The following SF3B2 variants were observed in gnomAD, a reference collection of about 807,000 sequenced individuals.
SF3B2 encodes splicing factor 3b subunit 2.
Under a neutral mutation model 116.3 loss-of-function variants are expected in SF3B2, and 22 were observed. That is an observed-to-expected ratio of 0.19 (90% confidence interval 0.14 to 0.27). SF3B2 has a LOEUF of 0.27. Ranked by LOEUF, SF3B2 falls within the 10% of genes least tolerant of loss-of-function variation. The pLI is 1.00. For synonymous variants in SF3B2, 406 were observed against 421.6 expected, an observed-to-expected ratio of 0.96 and a Z score of 0.45; for missense variants, 767 against 1,151.4, an observed-to-expected ratio of 0.67 and a Z score of 4.83.
chr11:66,067,156 C>T, intron 19 of SF3B2: 1 of 255,494 alleles, frequency 3.9e-6, no homozygotes, highest in East Asian at 1.0e-4. Flanking sequence ...CCTCTTGCTC[C>T]TTGTCAGGAA....
intron 5 of SF3B2, chr11:66,055,895 G>A (rs968532777): frequency 2.8e-6 from 1 of 353,446 alleles, no homozygotes; most frequent in South Asian, 7.8e-5. Context: ...TTTACCTTCT[G>A]ACCTATTATA....
At position 66,052,378 on chromosome 11, in the gene SF3B2, G is replaced by C; in HGVS notation, c.-7G>C. 6.2e-7 allele frequency: 1 copy of C among 1,608,716 alleles called. No individual in the cohort carries two copies. Among genetic ancestry groups the C allele is most frequent in the South Asian group, 1.1e-5 (1 of 90,796 alleles). ...CCGGGTTGGTCGCGCGCCTTCCTGC[G>C]GCTAAGATGGCGACGGAGCATCCCG... On this transcript the variant is annotated 5_prime_UTR_variant, in exon 1 of 22. Transcript: ENST00000322535.
intron 9 of SF3B2, 64 bp downstream of exon 9, chr11:66,058,469 C>CA: frequency 7.7e-7 from 1 of 1,301,546 alleles, no homozygotes. Flanking sequence ...GGAAATAACA[C>CA]AATTTGTAAG....
chr11:66,052,792 G>T, intron 2 of SF3B2, 73 bp downstream of exon 2: 2 of 1,477,754 alleles, frequency 1.4e-6, no homozygotes, highest in South Asian at 2.7e-5. Context: ...ATCACGGCTC[G>T]GTCTTCATTC....
intron 17 of SF3B2, 114 bp from the exon 18 acceptor site, chr11:66,063,286 T>A: frequency 8.8e-7 from 1 of 1,132,220 alleles, no homozygotes; most frequent in Non-Finnish European, 1.3e-6. Flanking sequence ...ATTTGAGCTC[T>A]AGGTAGGTAG....
In SF3B2 at chr11:66,061,953, G is replaced by A. The variant is rs1290957098; in HGVS notation, c.1932G>A (p.Ser644=). 2.5e-6 allele frequency: 4 copies of A among 1,613,510 alleles called. No individual in the cohort carries two copies. Among genetic ancestry groups the A allele is most frequent in the Admixed American group, 3.3e-5 (2 of 59,800 alleles). The stretch of plus-strand genomic sequence containing the variant: ...TGCAGCGATATGGACCACCCCCATC[G>A]TATCCCAACCTGAAAATCCCTGGGC... ...IAMQRYGPPP[S]YPNLKIPGLN... is the part of the protein sequence containing the mutation. The change falls in exon 16 of 22, where the codon TCG becomes TCA. Residue 644 remains serine, a synonymous_variant. Coordinates refer to ENST00000322535, the MANE Select transcript of SF3B2 (RefSeq NM_006842.3).
chr11:66,052,622 C>T, intron 1 of SF3B2, 51 bp from the exon 2 acceptor site: 1 of 1,594,328 alleles, frequency 6.3e-7, no homozygotes, highest in Non-Finnish European at 8.5e-7. Flanking sequence ...CCGCTGGGGC[C>T]TGACCTGGCC....
intron 14 of SF3B2, among the ~76,000 whole-genome samples, 181 bp from the exon 15 acceptor site, chr11:66,061,505 C>T (rs1051365898): frequency 1.3e-5 from 2 of 152,190 alleles, no homozygotes; most frequent in Non-Finnish European, 2.9e-5. Context: ...GGGTTATTGA[C>T]AGCACTGTGA....
At chr11:66,052,555 T>C (rs766989049) in intron 1 of SF3B2, 38 bp downstream of exon 1, 1 of 1,599,478 alleles carries the variant, frequency 6.3e-7, no homozygotes, top group South Asian at 1.1e-5. Flanking sequence ...TTTACGGGCC[T>C]GCGGAGAAGC....
intron 13 of SF3B2, 85 bp from the exon 14 acceptor site, chr11:66,060,497 T>G: frequency 4.6e-6 from 7 of 1,505,760 alleles, no homozygotes; most frequent in Non-Finnish European, 5.5e-6. Flanking sequence ...AGGCTTCCCA[T>G]GATCTCATTT....
chr11:66,064,024 C>T (rs904442746), intron 19 of SF3B2, among the ~76,000 whole-genome samples: 1 of 152,062 alleles, frequency 6.6e-6, no homozygotes, highest in African/African-American at 2.4e-5. Context: ...AACTAAGACC[C>T]GAATGAAAAA....
intron 16 of SF3B2, among the ~76,000 whole-genome samples, chr11:66,062,491 A>G (rs1293084765): frequency 1.3e-5 from 2 of 151,772 alleles, no homozygotes; most frequent in African/African-American, 2.4e-5. Flanking sequence ...AAAAAAAAAA[A>G]GAAAAAAGAA....
In SF3B2 at chr11:66,058,055, T is replaced by A; in HGVS notation, c.779T>A (p.Met260Lys). The change falls in exon 8 of 22, where the codon ATG becomes AAG. Residue 260 changes from methionine to lysine, a missense_variant and splice_region_variant. Physicochemically the swap from Met to Lys is moderately conservative, Grantham distance 95. Transcript: ENST00000322535. ...TCTCTGACTGGGTGTCTCTGGCAGA[T>A]GGATGACCCCTCTGTGGGCCCCAAG... is the stretch of plus-strand genomic sequence containing the variant. ...PPPPGDENRE[M>K]DDPSVGPKIP... 2 of 1,603,762 alleles carry A rather than the reference T, an allele frequency of 1.2e-6. No homozygotes were observed. The highest frequency in any genetic ancestry group is 1.1e-5 in the South Asian group (1 of 89,636).
At chr11:66,057,995 GAAAA>G (rs1009012143) in intron 7 of SF3B2, 55 bp from the exon 8 acceptor site, 10 of 994,344 alleles carry the variant, frequency 1.0e-5, no homozygotes, top group Middle Eastern at 3.1e-4. Flanking sequence ...AAGAAAGAAA[GAAAA>G]AAAAAAGAAA....
chr11:66,055,658 A>G (rs1856981426), intron 5 of SF3B2, 73 bp downstream of exon 5: 1 of 1,372,940 alleles, frequency 7.3e-7, no homozygotes, highest in African/African-American at 1.4e-5. Context: ...CTTAGAGTGC[A>G]CCATTCAAGT....
chr11:66,059,255 C>G lies in SF3B2; in HGVS notation c.1237C>G (p.Leu413Val). 6.2e-7 allele frequency: 1 copy of G among 1,614,024 alleles called. No individual in the cohort carries two copies. ...GAAGGAGCCAGAGAAACTTGACAAA[C>G]TGGAGAACTCTGCAGCCCCCAAGAA... ...KEKEPEKLDKLENSAAPKKKG... is the reference protein window; with the variant it reads ...KEKEPEKLDKVENSAAPKKKG... The change falls in exon 11 of 22, where the codon CTG (leucine) becomes GTG (valine). Residue 413 changes from leucine to valine, a missense_variant. Transcript: ENST00000322535. This position sits in a 1 kb window ranked among gnomAD's most constrained non-coding sequence, Gnocchi z 5.0.
rs1320839610 is a variant in SF3B2 at position 66,059,797 on chromosome 11, G to A, written c.1417G>A (p.Asp473Asn). ...TGTTTTCCAGCTGGTGGCTCGGCCC[G>A]ATGTCGTGGAGATGCACGATGTGAC... ...AELKQLVARP[D>N]VVEMHDVTAQ... is the part of the protein sequence containing the mutation. Residue 473 changes from aspartate to asparagine, a missense_variant, in exon 13 of 22, where the codon GAT (aspartate) becomes AAT (asparagine). Around this residue, in one of 4 missense-constraint regions of SF3B2, gnomAD observed 282 missense variants for 568.0 expected, o/e 0.50. Coordinates refer to ENST00000322535, the MANE Select transcript of SF3B2 (RefSeq NM_006842.3). The surrounding 1 kb of genome is among the most constrained non-coding windows in gnomAD (Gnocchi z 5.0). The A allele has an allele frequency of 6.2e-7, 1 of 1,614,222 alleles. No individual in the cohort carries two copies. Among genetic ancestry groups the A allele is most frequent in the Non-Finnish European group, 8.5e-7 (1 of 1,180,038 alleles).
At position 66,063,573 on chromosome 11, in the gene SF3B2, T is replaced by C. The variant is rs762084228; in HGVS notation, c.2228+31T>C. 4 of 1,611,008 alleles carry C rather than the reference T, an allele frequency of 2.5e-6. No homozygotes were observed. The Admixed American group carries it at 6.7e-5, about 27-fold the overall frequency. ...GGAAGCAGAGAATGCCTCTTGGAAG[T>C]GGGCTATCTTTGGGGTCCTTCTCTT... On this transcript the variant is annotated intron_variant, in intron 18 of 21. Transcript: ENST00000322535.
chr11:66,056,441 G>A (rs1307423061), intron 5 of SF3B2, among the ~76,000 whole-genome samples: 3 of 150,610 alleles, frequency 2.0e-5, no homozygotes, highest in East Asian at 3.9e-4. Flanking sequence ...CTGGACCTGT[G>A]GGTAAAGTAC....
Sources: gnomAD v4.1 joint callset for allele counts (sites outside exome capture counted in the v4.1 genomes callset) on GRCh38, gnomAD v4.1.1 for gene constraint, gnomAD v4.1.1 regional missense constraint, Gnocchi (gnomAD v3.1) non-coding constraint, MANE v1.5 for transcripts, NCBI Gene and HGNC (gene_info 2026-07-23, HGNC 2026-07-21) for gene names.